The following MYO6 variants were observed in gnomAD, a reference collection of about 807,000 sequenced individuals.
MYO6 encodes the protein unconventional myosin-VI.
In MYO6, 74 loss-of-function variants were observed where a neutral mutation model predicts 178.7. The ratio of observed to expected loss-of-function variants is 0.41; its 90% CI spans 0.34 to 0.50. MYO6 has a LOEUF of 0.50. MYO6 is among the 20% of genes least tolerant of loss of function. The pLI, the probability that MYO6 is intolerant of heterozygous loss-of-function variation, is 0.09. For missense variants in MYO6, 1,330 were observed against 1,547.4 expected (o/e 0.86, Z 2.36); for synonymous variants, 477 against 504.6 (o/e 0.95, Z 0.73).
chr6:75,882,561 C>G (rs1346131053), intron 23 of MYO6, among the ~76,000 whole-genome samples: 4 of 151,956 alleles, frequency 2.6e-5, no homozygotes, highest in Non-Finnish European at 5.9e-5. Flanking sequence ...ACCATAATCC[C>G]AAATGTTGAA....
At chr6:75,763,218 G>T (rs1026949069) in intron 1 of MYO6, among the ~76,000 whole-genome samples, 1 of 151,894 alleles carries the variant, frequency 6.6e-6, no homozygotes, top group South Asian at 2.1e-4. Flanking sequence ...TAGAGACGGG[G>T]TTTCACCATC....
Position 75,895,280 on chromosome 6 carries a change from C to CTA in MYO6, c.3137+21_3137+22insAT. On this transcript the variant is annotated intron_variant, in intron 29 of 34. Transcript: ENST00000369977. Reference sequence around the variant, plus strand: ...GACACCGTATGTCACTTACCTTTACCTTTTTAAAAATAGGTTGTAGATACT... The same window carrying CTA: ...GACACCGTATGTCACTTACCTTTACCTATTTTTAAAAATAGGTTGTAGATACT... The CTA allele has an allele frequency of 6.3e-7, 1 of 1,594,594 alleles. No individual in the cohort carries two copies. Among genetic ancestry groups the CTA allele is most frequent in the Non-Finnish European group, 8.6e-7 (1 of 1,163,474 alleles).
chr6:75,886,086 C>A lies in MYO6; in HGVS notation c.2499C>A (p.His833Gln). ...TIRMWLCKRR[H>Q]KPRIDGLVKV... ...GAATGTGGCTTTGCAAGAGGAGACA[C>A]AAACCTCGGTAAGATGAATAGTTCC... The change falls in exon 24 of 35, where the codon CAC becomes CAA. Residue 833 changes from histidine to glutamine, a missense_variant. His to Gln is a conservative substitution (Grantham distance 24). Around this residue, in one of 3 missense-constraint regions of MYO6, gnomAD observed 601 missense variants for 626.1 expected, o/e 0.96. Transcript: ENST00000369977. The A allele has an allele frequency of 6.2e-7, 1 of 1,605,354 alleles. No individual in the cohort carries two copies. The highest frequency in any genetic ancestry group is 8.5e-7 in the Non-Finnish European group (1 of 1,172,578).
At chr6:75,913,526 T>C (rs926103413) in intron 33 of MYO6, among the ~76,000 whole-genome samples, 1 of 152,222 alleles carries the variant, frequency 6.6e-6, no homozygotes, top group African/African-American at 2.4e-5. Flanking sequence ...GTGGTCATTT[T>C]AAATCCTAAA....
intron 1 of MYO6, among the ~76,000 whole-genome samples, chr6:75,772,890 A>G (rs1766024619): frequency 6.6e-6 from 1 of 152,194 alleles, no homozygotes; most frequent in African/African-American, 2.4e-5. Context: ...TTATTAAAGC[A>G]TATTGTTCAA....
rs553135868 is a variant in MYO6 at position 75,836,479 on chromosome 6, G to A, written c.553+523G>A. Among the ~76,000 whole-genome samples, 3 of 152,172 alleles carry A rather than the reference G, an allele frequency of 2.0e-5. No individual in the cohort carries two copies. In the South Asian group the frequency reaches 6.2e-4, roughly 32 times the overall value. On this transcript the variant is annotated intron_variant, in intron 7 of 34. Transcript: ENST00000369977. ...CATTATGTTGAATCTCCTGCATGAT[G>A]CCCTCCTGCATCATAGACTCCTGTT...
rs1041660346 is a variant in MYO6, at chr6:75,787,967, C to T, written c.-47-29534C>T. Among the ~76,000 whole-genome samples, 11 of 150,750 alleles carry T rather than the reference C, an allele frequency of 7.3e-5. No individual in the cohort carries two copies. In the Admixed American group the frequency reaches 7.3e-4, roughly 10 times the overall value. On this transcript the variant is annotated intron_variant, in intron 1 of 34. Transcript: ENST00000369977. ...TAGAGATAGGAGTCTCACTATGTTG[C>T]CCAGGATTGTATTGAACTCCTGGGC...
chr6:75,847,836 C>G (rs893633798), intron 10 of MYO6, among the ~76,000 whole-genome samples: 1 of 151,718 alleles, frequency 6.6e-6, no homozygotes. Context: ...TTTATTGCAC[C>G]TTTTAACTTA....
At position 75,749,260 on chromosome 6, in the gene MYO6, C is replaced by G. The variant is rs1776628974; in HGVS notation, c.-211C>G. 6.6e-6 allele frequency: 1 copy of G among 151,986 alleles called. No homozygotes were observed. The highest frequency in any genetic ancestry group is 2.1e-4 in the South Asian group (1 of 4,840). The allele number at this position is 151,986 out of a possible 1,614,324, so 9.4% of individuals were successfully genotyped here. A position where few individuals can be genotyped will look rare whatever the true frequency, so the allele number is the denominator to read the frequency against. The stretch of plus-strand genomic sequence containing the variant: ...GGGCGGAGACCGACTCGGGATCTGT[C>G]CGAGCAGGAAGCCAGCCTCAGCCCG... On this transcript the variant is annotated 5_prime_UTR_variant, in exon 1 of 35. Transcript: ENST00000369977.
chr6:75,895,145 A>G, intron 28 of MYO6, 86 bp from the exon 29 acceptor site: 1 of 1,001,736 alleles, frequency 1.0e-6, no homozygotes, highest in Non-Finnish European at 1.5e-6. Context: ...CAATGAGTAA[A>G]GTAATTGAAA....
At chr6:75,771,375 TC>T (rs34089602) in intron 1 of MYO6, among the ~76,000 whole-genome samples, 1 of 152,136 alleles carries the variant, frequency 6.6e-6, no homozygotes, top group African/African-American at 2.4e-5. Flanking sequence ...TGTGTATAGC[TC>T]CCAGGAGTTT....
In MYO6 at chr6:75,820,570, C is replaced by G. The variant is rs540095024; in HGVS notation, c.118-2212C>G. On this transcript the variant is annotated intron_variant, in intron 2 of 34. Transcript: ENST00000369977. ...ATTTTTAGTAGAGATGGGGTTTCAT[C>G]ATGTTGGCCAGGTTTTTCTCAAACT... 5.9e-5 allele frequency among the ~76,000 whole-genome samples: 9 copies of G among 152,176 alleles called. No individual in the cohort carries two copies. The South Asian group carries it at 1.5e-3, about 25-fold the overall frequency.
chr6:75,870,094 A>G (rs1777018433), intron 18 of MYO6, among the ~76,000 whole-genome samples: 1 of 152,078 alleles, frequency 6.6e-6, no homozygotes, highest in Non-Finnish European at 1.5e-5. Context: ...AGCCTGGGCG[A>G]CAGAGCAAGA....
chr6:75,861,983 G>T (rs1776248769), intron 15 of MYO6, among the ~76,000 whole-genome samples: 1 of 152,048 alleles, frequency 6.6e-6, no homozygotes, highest in Non-Finnish European at 1.5e-5. Flanking sequence ...TGCCCCTCCT[G>T]CCCTACCACT....
chr6:75,807,472 T>C (rs772783124), intron 1 of MYO6, among the ~76,000 whole-genome samples: 18 of 152,180 alleles, frequency 1.2e-4, no homozygotes, highest in Non-Finnish European at 2.1e-4. Flanking sequence ...TTTTTTTTCC[T>C]GGTATTTTGA....
chr6:75,781,281 T>C (rs948103601), intron 1 of MYO6, among the ~76,000 whole-genome samples: 1 of 152,170 alleles, frequency 6.6e-6, no homozygotes, highest in Non-Finnish European at 1.5e-5. Context: ...TTAGAGTGAA[T>C]GACTTCGGGG....
At chr6:75,812,519 C>A (rs1264394081) in intron 1 of MYO6, among the ~76,000 whole-genome samples, 1 of 152,084 alleles carries the variant, frequency 6.6e-6, no homozygotes, top group Non-Finnish European at 1.5e-5. Context: ...ACTGTAGTCA[C>A]CCTCTTGTGC....
At chr6:75,842,851 T>A (rs1406517070) in intron 9 of MYO6, among the ~76,000 whole-genome samples, 1 of 152,076 alleles carries the variant, frequency 6.6e-6, no homozygotes, top group Non-Finnish European at 1.5e-5. Flanking sequence ...AGTATAGTAT[T>A]TTTGGGTTTC....
At chr6:75,895,309 T>G (rs1779210197) in intron 29 of MYO6, 49 bp downstream of exon 29, 2 of 1,430,986 alleles carry the variant, frequency 1.4e-6, no homozygotes, top group Non-Finnish European at 2.0e-6. Flanking sequence ...AGATACTTTT[T>G]GGGAGTAGTT....
Sources: gnomAD v4.1 joint callset for allele counts (sites outside exome capture counted in the v4.1 genomes callset) on GRCh38, gnomAD v4.1.1 for gene constraint, gnomAD v4.1.1 regional missense constraint, MANE v1.5 for transcripts, NCBI Gene and HGNC (gene_info 2026-07-23, HGNC 2026-07-21) for gene names.